Variants in CDH13 observed in about 807,000 individuals in gnomAD.
The protein encoded by CDH13 is cadherin-13.
In CDH13, 24 loss-of-function variants were observed where a neutral mutation model predicts 63.8. The observed-to-expected ratio is 0.38, with a 90% CI of 0.27 to 0.53. CDH13 has a LOEUF of 0.53. CDH13 is among the 20% of genes least tolerant of loss of function. The probability of loss-of-function intolerance (pLI) is 0.85; values close to 1 mark genes in which losing one functional copy is unlikely to be tolerated. For missense variants in CDH13, 1,049 were observed against 903.1 expected (o/e 1.16, Z -2.07); for synonymous variants, 503 against 355.3 (o/e 1.42, Z -4.67).
rs148063748 is a variant in CDH13 at position 83,182,570 on chromosome 16, A to C, written c.484-34775A>C. ...GTCCTTTAAAGTCTGCGGACACTTG[A>C]AGCCCTCTGTTAGTCATGCCATGCT... On this transcript the variant is annotated intron_variant, in intron 4 of 13. Transcript: ENST00000567109. Among the ~76,000 whole-genome samples the C allele has an allele frequency of 2.0e-5, 3 of 152,350 alleles. No homozygotes were observed. In the East Asian group the frequency reaches 5.8e-4, roughly 29 times the overall value.
chr16:82,819,541 C>T (rs538526753), intron 1 of CDH13, among the ~76,000 whole-genome samples: 52 of 152,198 alleles, frequency 3.4e-4, no homozygotes, highest in African/African-American at 1.2e-3. Flanking sequence ...TCTGGGCTAC[C>T]CCTCCCTTTC....
chr16:83,326,454 G>A (rs566062725), intron 5 of CDH13, among the ~76,000 whole-genome samples: 2 of 147,840 alleles, frequency 1.4e-5, no homozygotes, highest in Admixed American at 6.7e-5. Context: ...ACTTTTGAAT[G>A]AGAATATTCC....
At position 82,627,098 on chromosome 16, in the gene CDH13, G is replaced by C. The variant is rs746398289; in HGVS notation, c.6G>C (p.Gln2His). Residue 2 changes from glutamine to histidine, a missense_variant, in exon 1 of 14, where the codon CAG (glutamine) becomes CAC (histidine). By Grantham distance (24) the Gln-to-His change is conservative. Coordinates refer to ENST00000567109, the MANE Select transcript of CDH13 (RefSeq NM_001257.5). ...GGCGCTTCTAGTCGGACAAAATGCAGCCGAGAACTCCGCTCGTTCTGTGCG... is the reference window on the plus strand; with the variant it reads ...GGCGCTTCTAGTCGGACAAAATGCACCCGAGAACTCCGCTCGTTCTGTGCG... The part of the protein sequence containing the change: M[Q>H]PRTPLVLCVL... The C allele has an allele frequency of 1.9e-6, 3 of 1,604,100 alleles. No homozygotes were observed. The highest frequency in any genetic ancestry group is 3.4e-5 in the Admixed American group (2 of 58,914).
intron 3 of CDH13, among the ~76,000 whole-genome samples, chr16:83,064,504 A>G (rs1456870868): frequency 6.6e-6 from 1 of 152,218 alleles, no homozygotes; most frequent in African/African-American, 2.4e-5. Context: ...AAGTAAAAAG[A>G]AAAAGGAAAA....
intron 1 of CDH13, among the ~76,000 whole-genome samples, chr16:82,780,096 C>A (rs370917066): frequency 4.3e-4 from 65 of 152,250 alleles, no homozygotes; most frequent in African/African-American, 1.6e-3. Context: ...TTAAATCAAG[C>A]AACGGTGTCT....
At chr16:82,699,065 A>G (rs538459907) in intron 1 of CDH13, among the ~76,000 whole-genome samples, 120 of 152,350 alleles carry the variant, frequency 7.9e-4, no homozygotes, top group African/African-American at 2.8e-3. Flanking sequence ...AAACATCTTC[A>G]TACTAATAAT....
intron 11 of CDH13, among the ~76,000 whole-genome samples, chr16:83,761,694 G>A (rs254339): frequency 0.99 from 151,374 of 152,308 alleles, 75,229 homozygotes; most frequent in Middle Eastern, 1. Context: ...CTATGTACAG[G>A]GAAACCTTTA....
At chr16:82,715,479 C>T (rs2032299549) in intron 1 of CDH13, among the ~76,000 whole-genome samples, 2 of 152,114 alleles carry the variant, frequency 1.3e-5, no homozygotes, top group Non-Finnish European at 2.9e-5. Context: ...TGCGATGCTG[C>T]CTAAGAAAAG....
chr16:83,289,663 T>G (rs2089417722), intron 5 of CDH13, among the ~76,000 whole-genome samples: 1 of 152,134 alleles, frequency 6.6e-6, no homozygotes, highest in Non-Finnish European at 1.5e-5. Flanking sequence ...AAACTCAGAA[T>G]GGGGACAGTC....
At chr16:82,804,039 C>T (rs192296884) in intron 1 of CDH13, among the ~76,000 whole-genome samples, 250 of 152,190 alleles carry the variant, frequency 1.6e-3, no homozygotes, top group African/African-American at 5.4e-3. Context: ...ACCAGCCTGA[C>T]CAACATGGTA....
At chr16:82,647,969 G>C (rs935320774) in intron 1 of CDH13, among the ~76,000 whole-genome samples, 3 of 152,160 alleles carry the variant, frequency 2.0e-5, no homozygotes, top group African/African-American at 7.2e-5. Context: ...TCATGGTAGT[G>C]AATAAGTCTC....
At chr16:83,328,871 A>T (rs1286241803) in intron 5 of CDH13, among the ~76,000 whole-genome samples, 1 of 152,076 alleles carries the variant, frequency 6.6e-6, no homozygotes, top group Non-Finnish European at 1.5e-5. Context: ...CCAAGGGGAA[A>T]ATGGAGCTCC....
At chr16:82,967,138 G>C (rs1310790732) in intron 2 of CDH13, among the ~76,000 whole-genome samples, 2 of 152,096 alleles carry the variant, frequency 1.3e-5, no homozygotes, top group African/African-American at 2.4e-5. Flanking sequence ...ATTAGATCCA[G>C]GTTAAAGAAA....
At chr16:83,724,382 T>C (rs1265748503) in intron 10 of CDH13, among the ~76,000 whole-genome samples, 1 of 146,010 alleles carries the variant, frequency 6.8e-6, no homozygotes, top group East Asian at 2.0e-4. Flanking sequence ...AATGCATGGG[T>C]GGGTGATGAA....
At chr16:82,999,258 C>A (rs1392943458) in intron 2 of CDH13, among the ~76,000 whole-genome samples, 1 of 151,978 alleles carries the variant, frequency 6.6e-6, no homozygotes, top group Non-Finnish European at 1.5e-5. Context: ...TTTTTTCCCC[C>A]CTCCTTTGTC....
chr16:82,656,296 G>T (rs969575896), intron 1 of CDH13, among the ~76,000 whole-genome samples: 2 of 150,226 alleles, frequency 1.3e-5, no homozygotes, highest in Non-Finnish European at 1.5e-5. Context: ...GCACCTGGTT[G>T]CATTTGAATG....
In CDH13 at chr16:83,496,965, C is replaced by T. The variant is rs533083051; in HGVS notation, c.960+10310C>T. Among the ~76,000 whole-genome samples, 5 of 152,288 alleles carry T rather than the reference C, an allele frequency of 3.3e-5. No homozygotes were observed. The South Asian group carries it at 1.0e-3, about 32-fold the overall frequency. On this transcript the variant is annotated intron_variant, in intron 7 of 13. Transcript: ENST00000567109. ...GCAAATCAAAACCACAATGAGATAC[C>T]ATCTCACACCAGTTAGAATGGCGAT...
chr16:83,594,252 TTACA>T, intron 7 of CDH13, among the ~76,000 whole-genome samples: 1 of 152,318 alleles, frequency 6.6e-6, no homozygotes, highest in East Asian at 1.9e-4. Flanking sequence ...TCTCCAGCAT[TTACA>T]TATGCCAAGC....
At chr16:82,784,259 T>G (rs2035898782) in intron 1 of CDH13, among the ~76,000 whole-genome samples, 1 of 152,192 alleles carries the variant, frequency 6.6e-6, no homozygotes, top group Non-Finnish European at 1.5e-5. Context: ...CAAAGTGACC[T>G]TAGACGTTGA....
Sources: gnomAD v4.1 joint callset for allele counts (sites outside exome capture counted in the v4.1 genomes callset) on GRCh38, gnomAD v4.1.1 for gene constraint, MANE v1.5 for transcripts, NCBI Gene and HGNC (gene_info 2026-07-23, HGNC 2026-07-21) for gene names.